The following GPHN variants were observed in gnomAD, a reference collection of about 807,000 sequenced individuals.
GPHN encodes the protein gephyrin.
Under a neutral mutation model 95.5 loss-of-function variants are expected in GPHN, and 17 were observed. The ratio of observed to expected loss-of-function variants is 0.18; its 90% confidence interval spans 0.12 to 0.27. The LOEUF is 0.27. Ranked by LOEUF, GPHN falls within the 10% of genes least tolerant of loss-of-function variation. GPHN has a pLI of 1.00. For missense variants in GPHN, 660 were observed against 978.1 expected, an observed-to-expected ratio of 0.67 and a Z score of 4.34; for synonymous variants, 320 against 322.5, an observed-to-expected ratio of 0.99 and a Z score of 0.08.
intron 1 of GPHN, among the ~76,000 whole-genome samples, chr14:66,553,151 G>A (rs1213637247): frequency 7.9e-5 from 12 of 151,686 alleles, no homozygotes; most frequent in African/African-American, 2.2e-4. Context: ...TACCATGCCC[G>A]GCTAATTTTT....
chr14:67,368,154 A>G, the GPHN span, among the ~76,000 whole-genome samples: 3 of 152,178 alleles, frequency 2.0e-5, no homozygotes, highest in Admixed American at 2.0e-4. Flanking sequence ...TAGGGGAAAA[A>G]GTAGGTCAGA....
chr14:66,586,590 CAA>C (rs2061430336), intron 1 of GPHN, among the ~76,000 whole-genome samples: 1 of 152,096 alleles, frequency 6.6e-6, no homozygotes, highest in Non-Finnish European at 1.5e-5. Flanking sequence ...TTGGTGGTGA[CAA>C]CATATCTCAG....
intron 17 of GPHN, among the ~76,000 whole-genome samples, chr14:67,136,340 C>G (rs996636993): frequency 3.9e-5 from 6 of 152,176 alleles, no homozygotes; most frequent in Admixed American, 3.9e-4. Flanking sequence ...AAATGGCAAG[C>G]TGCTAGTCTT....
At chr14:67,339,461 ACT>A in the GPHN span, among the ~76,000 whole-genome samples, 1 of 152,150 alleles carries the variant, frequency 6.6e-6, no homozygotes, top group African/African-American at 2.4e-5. Context: ...TTAGATGCTA[ACT>A]CCAGGTCTAA....
downstream of GPHN, among the ~76,000 whole-genome samples, chr14:67,186,228 G>A (rs1216155583): frequency 6.6e-6 from 1 of 151,960 alleles, no homozygotes. Context: ...CTAAGTGAAG[G>A]AGAGAGATTA....
At chr14:66,769,376 G>A (rs2059079412) in intron 2 of GPHN, among the ~76,000 whole-genome samples, 1 of 151,826 alleles carries the variant, frequency 6.6e-6, no homozygotes, top group Non-Finnish European at 1.5e-5. Flanking sequence ...TGTTATACAG[G>A]TAAACTCATG....
the GPHN span, chr14:67,279,857 A>G: frequency 3.7e-6 from 1 of 273,064 alleles, no homozygotes; most frequent in African/African-American, 2.2e-5. Flanking sequence ...AAATACTAAA[A>G]AAGAATTTTC....
At chr14:67,080,533 TTTTAGGTCTTACA>T (rs2076653133) in intron 11 of GPHN, among the ~76,000 whole-genome samples, 1 of 152,144 alleles carries the variant, frequency 6.6e-6, no homozygotes, top group Non-Finnish European at 1.5e-5. Flanking sequence ...AGTTTTATAG[TTTTAGGTCTTACA>T]TTTAGGTCTT....
chr14:67,623,933 T>C, the GPHN span, among the ~76,000 whole-genome samples: 1 of 152,252 alleles, frequency 6.6e-6, no homozygotes, highest in Non-Finnish European at 1.5e-5. Context: ...CTCAACCTCC[T>C]GGACTCAAGC....
the GPHN span, among the ~76,000 whole-genome samples, chr14:67,423,181 CAACA>C: frequency 6.6e-6 from 1 of 152,176 alleles, no homozygotes; most frequent in Non-Finnish European, 1.5e-5. Context: ...TCTGCTACAG[CAACA>C]AACATTCTCT....
chr14:67,397,272 C>CT, the GPHN span, among the ~76,000 whole-genome samples: 1 of 152,260 alleles, frequency 6.6e-6, no homozygotes, highest in Non-Finnish European at 1.5e-5. Context: ...GAAGCCACCC[C>CT]TTACTTCTGG....
chr14:67,233,243 G>A, the GPHN span, among the ~76,000 whole-genome samples: 305 of 152,162 alleles, frequency 2.0e-3, no homozygotes, highest in African/African-American at 6.9e-3. Flanking sequence ...CCAGGTCCAA[G>A]TGATTCTCCT....
chr14:67,726,935 G>C, the GPHN span: 3 of 1,562,554 alleles, frequency 1.9e-6, no homozygotes, highest in Non-Finnish European at 2.6e-6. Flanking sequence ...TGCTGAGCCT[G>C]GGCTGTCATT....
At chr14:67,076,466 TTTAATG>T (rs2153660353) in intron 11 of GPHN, among the ~76,000 whole-genome samples, 1 of 152,296 alleles carries the variant, frequency 6.6e-6, no homozygotes, top group African/African-American at 2.4e-5. Flanking sequence ...TTAAAGTTTT[TTTAATG>T]ATGTAGAGAC....
intron 5 of GPHN, among the ~76,000 whole-genome samples, chr14:66,883,628 C>T (rs1475151705): frequency 1.3e-5 from 2 of 151,958 alleles, no homozygotes; most frequent in Non-Finnish European, 2.9e-5. Context: ...TTATTTAACT[C>T]CTGTTAAAAT....
intron 9 of GPHN, 43 bp from the exon 10 acceptor site, chr14:67,023,590 A>G: frequency 1.9e-6 from 3 of 1,556,008 alleles, no homozygotes; most frequent in African/African-American, 1.4e-5. Context: ...CTGCCTATTC[A>G]TGCTATAAAC....
chr14:67,026,800 G>A (rs1236784778), intron 10 of GPHN, among the ~76,000 whole-genome samples: 1 of 152,004 alleles, frequency 6.6e-6, no homozygotes, highest in Non-Finnish European at 1.5e-5. Context: ...CCGCCACCTC[G>A]CCCGGCTAAT....
rs777486676 is a variant in GPHN, at chr14:67,110,272, C to T, written c.1413+13C>T. On this transcript the variant is annotated intron_variant, in intron 14 of 22. Transcript: ENST00000478722. ...GGAATCAGATGATGTACGTCATCAC[C>T]AAGTCTTACTGTGCTGTTGTTCCTA... The T allele has an allele frequency of 5.0e-6, 8 of 1,612,932 alleles. No individual in the cohort carries two copies. The African/African-American group carries it at 9.3e-5, about 19-fold the overall frequency.
At chr14:66,638,126 G>A (rs1010756508) in intron 1 of GPHN, among the ~76,000 whole-genome samples, 24 of 152,000 alleles carry the variant, frequency 1.6e-4, no homozygotes, top group African/African-American at 5.3e-4. Flanking sequence ...ACATTTTGCT[G>A]TTCTATTATT....
Sources: allele counts gnomAD v4.1 joint callset (sites outside exome capture counted in the v4.1 genomes callset), GRCh38; gene constraint gnomAD v4.1.1; transcripts MANE v1.5; gene names NCBI Gene and HGNC (gene_info 2026-07-23, HGNC 2026-07-21).